Variants in SLFN11 observed in about 807,000 individuals in gnomAD.
SLFN11 encodes the protein schlafen family member 11.
Under a neutral mutation model 53.4 loss-of-function variants are expected in SLFN11, and 43 were observed. The ratio of observed to expected loss-of-function variants is 0.80; its 90% CI spans 0.63 to 1.04. The LOEUF is 1.04. SLFN11 is among the 50% of genes least tolerant of loss of function. SLFN11 has a pLI of 0.00. For missense variants in SLFN11, 990 were observed against 1,079.1 expected, an observed-to-expected ratio of 0.92 and a Z score of 1.16; for synonymous variants, 389 against 394.7, an observed-to-expected ratio of 0.99 and a Z score of 0.17.
intron 5 of SLFN11, among the ~76,000 whole-genome samples, chr17:35,358,120 T>C (rs1320309948): frequency 6.6e-6 from 1 of 150,900 alleles, no homozygotes; most frequent in East Asian, 1.9e-4. Flanking sequence ...CTGATTCACT[T>C]ATGCTTCTGT....
chr17:35,368,590 A>G (rs1367573082), intron 1 of SLFN11, among the ~76,000 whole-genome samples: 4 of 152,068 alleles, frequency 2.6e-5, no homozygotes, highest in African/African-American at 4.8e-5. Flanking sequence ...CTCCTAGGCA[A>G]GTCCTAGCCC....
chr17:35,360,187 C>A (rs1908018716), intron 5 of SLFN11, 56 bp downstream of exon 5: 1 of 1,535,868 alleles, frequency 6.5e-7, no homozygotes, highest in Non-Finnish European at 8.8e-7. Flanking sequence ...ATAGTTTAAT[C>A]TCCCTTTATC....
rs765220135 is a variant in SLFN11, at chr17:35,373,550, G to A, written c.-311C>T. 3.3e-5 allele frequency: 5 copies of A among 152,024 alleles called. No homozygotes were observed. Among genetic ancestry groups the A allele is most frequent in the Non-Finnish European group, 5.9e-5 (4 of 68,056 alleles). 9.4% of individuals were successfully genotyped at this position (152,024 alleles called of 1,614,324 possible). Reference sequence around the variant, plus strand: ...GCACGGGTAGAAACGCAACTCCGGAGTCCCAGGCTGGGGGCAAGGACCCTC... The same window carrying A: ...GCACGGGTAGAAACGCAACTCCGGAATCCCAGGCTGGGGGCAAGGACCCTC... On this transcript the variant is annotated 5_prime_UTR_variant, in exon 1 of 7. Transcript: ENST00000685675.
intron 5 of SLFN11, among the ~76,000 whole-genome samples, chr17:35,355,101 A>G (rs972092107): frequency 1.3e-5 from 2 of 152,174 alleles, no homozygotes; most frequent in Admixed American, 1.3e-4. Flanking sequence ...GAAGCTTTGG[A>G]AACCAAAGAA....
At chr17:35,368,731 T>C (rs1212073642) in intron 1 of SLFN11, among the ~76,000 whole-genome samples, 2 of 151,926 alleles carry the variant, frequency 1.3e-5, no homozygotes, top group African/African-American at 4.8e-5. Flanking sequence ...TCCAAAAAGA[T>C]CCCTTCCTTC....
At chr17:35,369,091 T>C (rs1184760613) in intron 1 of SLFN11, among the ~76,000 whole-genome samples, 3 of 152,038 alleles carry the variant, frequency 2.0e-5, no homozygotes, top group African/African-American at 7.2e-5. Context: ...CAGAGACTCT[T>C]TCTGCTTGAG....
chr17:35,364,720 T>C (rs550314384), intron 3 of SLFN11, among the ~76,000 whole-genome samples: 1 of 152,320 alleles, frequency 6.6e-6, no homozygotes, highest in African/African-American at 2.4e-5. Flanking sequence ...TGCATCCACC[T>C]TAATATGCCT....
intron 4 of SLFN11, 31 bp from the exon 5 acceptor site, chr17:35,360,402 G>A (rs185636002): frequency 8.9e-6 from 14 of 1,580,290 alleles, no homozygotes; most frequent in Middle Eastern, 1.7e-4. Flanking sequence ...TTATTCTGAC[G>A]TGTTAATCTC....
chr17:35,362,178 A>G (rs1908305592), intron 4 of SLFN11, among the ~76,000 whole-genome samples: 1 of 152,104 alleles, frequency 6.6e-6, no homozygotes, highest in Non-Finnish European at 1.5e-5. Context: ...TCAAGCTCCT[A>G]ATGGATTATC....
chr17:35,362,414 T>C (rs924801711), intron 4 of SLFN11, among the ~76,000 whole-genome samples: 1 of 152,148 alleles, frequency 6.6e-6, no homozygotes, highest in Non-Finnish European at 1.5e-5. Flanking sequence ...GTTTAACAAC[T>C]AGCTCAAAAA....
chr17:35,355,720 C>A (rs1476750215), intron 5 of SLFN11, among the ~76,000 whole-genome samples: 1 of 152,062 alleles, frequency 6.6e-6, no homozygotes, highest in African/African-American at 2.4e-5. Context: ...AGGGACCAGA[C>A]TAGGTGTTCA....
At chr17:35,358,696 G>T (rs939290831) in intron 5 of SLFN11, among the ~76,000 whole-genome samples, 4 of 152,012 alleles carry the variant, frequency 2.6e-5, no homozygotes, top group African/African-American at 9.7e-5. Context: ...CAGAAATGAT[G>T]AATTACATTA....
chr17:35,358,579 G>A (rs960788328), intron 5 of SLFN11, among the ~76,000 whole-genome samples: 3 of 151,184 alleles, frequency 2.0e-5, no homozygotes, highest in South Asian at 4.2e-4. Flanking sequence ...AAGAACTATA[G>A]GTTACTATTT....
chr17:35,357,856 T>G (rs954837355), intron 5 of SLFN11, among the ~76,000 whole-genome samples: 3 of 145,508 alleles, frequency 2.1e-5, no homozygotes, highest in African/African-American at 7.4e-5. Context: ...ATATAATTAT[T>G]TATATAATAT....
chr17:35,352,901 G>A lies in SLFN11; in HGVS notation c.2161C>T (p.Gln721Ter), dbSNP rs763447130. Residue 721 changes from glutamine to a stop codon, truncating the protein, a stop_gained, in exon 7 of 7, where the codon CAA becomes TAA. Transcript: ENST00000685675. LOFTEE classifies it low-confidence loss of function (END_TRUNC). Reference protein sequence around the residue: ...DCSGLPPLSDQYPREELTRIV... With the variant: ...DCSGLPPLSD Reference sequence around the variant, plus strand: ...CTGGTGAGCTCTTCTCTTGGATATTGGTCTGAGAGAGGAGGGAGGCCACTG... The same window carrying A: ...CTGGTGAGCTCTTCTCTTGGATATTAGTCTGAGAGAGGAGGGAGGCCACTG... 1.5e-5 allele frequency: 24 copies of A among 1,614,040 alleles called. No individual in the cohort carries two copies. The highest frequency in any genetic ancestry group is 1.9e-5 in the Non-Finnish European group (22 of 1,180,034).
intron 4 of SLFN11, 152 bp downstream of exon 4, chr17:35,362,587 C>A: frequency 3.4e-6 from 2 of 589,358 alleles, no homozygotes; most frequent in Non-Finnish European, 5.4e-6. Flanking sequence ...ACAAAATTTT[C>A]TCATGTATGA....
At chr17:35,366,056 A>C (rs979694039) in intron 3 of SLFN11, among the ~76,000 whole-genome samples, 25 of 152,118 alleles carry the variant, frequency 1.6e-4, no homozygotes, top group Non-Finnish European at 3.4e-4. Context: ...TTGTCTTTGC[A>C]CTTCTGGAAT....
chr17:35,358,995 G>GT (rs1907863000), intron 5 of SLFN11, among the ~76,000 whole-genome samples: 1 of 151,980 alleles, frequency 6.6e-6, no homozygotes, highest in African/African-American at 2.4e-5. Context: ...TCCAACCTGG[G>GT]TGACAGAGCA....
chr17:35,363,928 C>T (rs1338095776), intron 3 of SLFN11, 102 bp from the exon 4 acceptor site: 2 of 903,036 alleles, frequency 2.2e-6, no homozygotes, highest in Non-Finnish European at 3.2e-6. Context: ...GACTAGCAAG[C>T]AAGACAGGAG....
Sources: gnomAD v4.1 joint callset for allele counts (sites outside exome capture counted in the v4.1 genomes callset) on GRCh38, gnomAD v4.1.1 for gene constraint, MANE v1.5 for transcripts, NCBI Gene and HGNC (gene_info 2026-07-23, HGNC 2026-07-21) for gene names.